Variants in MAP3K2 observed in about 807,000 individuals in gnomAD.
MAP3K2 encodes the protein mitogen-activated protein kinase kinase kinase 2, also known as MAP/ERK kinase kinase 2.
Under a neutral mutation model 80.3 loss-of-function variants are expected in MAP3K2, and 24 were observed. The observed-to-expected ratio is 0.30, with a 90% CI of 0.22 to 0.42. The LOEUF is 0.42. MAP3K2 is among the 10% of genes least tolerant of loss of function. The pLI, the probability that MAP3K2 is intolerant of heterozygous loss-of-function variation, is 1.00. For missense variants in MAP3K2, 608 were observed against 750.1 expected (o/e 0.81, Z 2.21); for synonymous variants, 244 against 253.7 (o/e 0.96, Z 0.36).
chr2:127,376,307 G>GGGGTGGGA (rs1418802470), intron 1 of MAP3K2, among the ~76,000 whole-genome samples: 4 of 147,550 alleles, frequency 2.7e-5, no homozygotes, highest in Non-Finnish European at 6.0e-5. Flanking sequence ...CAGGACTACT[G>GGGGTGGGA]GGGTGGGAGG....
chr2:127,374,186 C>G (rs2139142), intron 1 of MAP3K2, among the ~76,000 whole-genome samples: 1 of 151,944 alleles, frequency 6.6e-6, no homozygotes, highest in Non-Finnish European at 1.5e-5. Context: ...CTCAGCTCAT[C>G]GATATTGTTA....
intron 8 of MAP3K2, among the ~76,000 whole-genome samples, chr2:127,326,208 T>G (rs957289665): frequency 1.4e-5 from 2 of 138,202 alleles, no homozygotes; most frequent in African/African-American, 2.6e-5. Context: ...TATTACATTA[T>G]TAGAAAATGT....
At position 127,321,647 on chromosome 2, in the gene MAP3K2, T is replaced by C. The variant is rs1686021568; in HGVS notation, c.1045+399A>G. The stretch of plus-strand genomic sequence containing the variant: ...ATTTTTAGATGATGTTATGGCCTCT[T>C]GCACATTATCTCCTCAGCTGGTGAT... On this transcript the variant is annotated intron_variant, in intron 12 of 16. Coordinates refer to ENST00000682094, the MANE Select transcript of MAP3K2 (RefSeq NM_001371910.2). The surrounding 1 kb of genome is among the most constrained non-coding windows in gnomAD (Gnocchi z 4.4). Among the ~76,000 whole-genome samples, 1 of 152,224 alleles carries C rather than the reference T, an allele frequency of 6.6e-6. No homozygotes were observed. Among genetic ancestry groups the C allele is most frequent in the South Asian group, 2.1e-4 (1 of 4,824 alleles).
At chr2:127,341,082 C>G (rs557721351) in intron 2 of MAP3K2, among the ~76,000 whole-genome samples, 2 of 151,578 alleles carry the variant, frequency 1.3e-5, no homozygotes, top group East Asian at 3.9e-4. Context: ...CTCCACTTCC[C>G]GGGTTCACAC....
At position 127,316,468 on chromosome 2, in the gene MAP3K2, T is replaced by A. The variant is rs919658690; in HGVS notation, c.1326+1161A>T. Among the ~76,000 whole-genome samples the A allele has an allele frequency of 3.3e-5, 5 of 152,256 alleles. No individual in the cohort carries two copies. In the South Asian group the frequency reaches 1.0e-3, roughly 31 times the overall value. ...AAAATCATTAATACTAGATGTACTCTATATAATGACAGATGTCACAAATCA... is the reference window on the plus strand; with the variant it reads ...AAAATCATTAATACTAGATGTACTCAATATAATGACAGATGTCACAAATCA... On this transcript the variant is annotated intron_variant, in intron 14 of 16. Coordinates refer to ENST00000682094, the MANE Select transcript of MAP3K2 (RefSeq NM_001371910.2).
At chr2:127,336,939 G>A (rs562815912) in intron 4 of MAP3K2, among the ~76,000 whole-genome samples, 116 of 152,202 alleles carry the variant, frequency 7.6e-4, no homozygotes, top group Non-Finnish European at 1.4e-3. Context: ...TCAGGAGTTC[G>A]AGACCAGCCT....
intron 7 of MAP3K2, among the ~76,000 whole-genome samples, chr2:127,327,493 A>G (rs981314441): frequency 1.3e-5 from 2 of 151,984 alleles, no homozygotes; most frequent in Admixed American, 1.3e-4. Context: ...CTGGTCCCTA[A>G]TATTTTTATT....
chr2:127,376,558 T>C (rs1453596821), intron 1 of MAP3K2, among the ~76,000 whole-genome samples: 1 of 152,080 alleles, frequency 6.6e-6, no homozygotes, highest in Non-Finnish European at 1.5e-5. Context: ...GGTCTGCGGG[T>C]TGGACCCAGC....
At chr2:127,360,787 T>TA (rs1360446844) in intron 1 of MAP3K2, among the ~76,000 whole-genome samples, 1 of 152,134 alleles carries the variant, frequency 6.6e-6, no homozygotes, top group Non-Finnish European at 1.5e-5. Flanking sequence ...ACTGAGTTTT[T>TA]AAAAAATGAA....
At chr2:127,341,393 G>A (rs2104846909) in intron 2 of MAP3K2, among the ~76,000 whole-genome samples, 1 of 152,070 alleles carries the variant, frequency 6.6e-6, no homozygotes, top group East Asian at 1.9e-4. Flanking sequence ...TCCCATATTA[G>A]GAAGGTGACA....
chr2:127,323,603 A>G (rs1227804358), intron 11 of MAP3K2, among the ~76,000 whole-genome samples: 2 of 152,014 alleles, frequency 1.3e-5, no homozygotes, highest in Non-Finnish European at 2.9e-5. Flanking sequence ...CAAGGCAGGA[A>G]GATCACTTGA....
In MAP3K2 at chr2:127,384,213, G is replaced by GATATATATATATAT. The variant is rs35560058; in HGVS notation, c.-66+3225_-66+3238dup. Reference sequence around the variant, plus strand: ...CCCGGCCAACAAATAATTTTTAATTGATATATATATATATATATATATTGC... The same window carrying GATATATATATATAT: ...CCCGGCCAACAAATAATTTTTAATTGATATATATATATATATATATATATATATATATATATTGC... On this transcript the variant is annotated intron_variant, in intron 1 of 16. Coordinates refer to ENST00000682094, the MANE Select transcript of MAP3K2 (RefSeq NM_001371910.2). 8.3e-3 allele frequency among the ~76,000 whole-genome samples: 1,193 copies of GATATATATATATAT among 144,366 alleles called. 6 individuals carry two copies. Among genetic ancestry groups the GATATATATATATAT allele is most frequent in the African/African-American group, 0.015 (602 of 38,840 alleles). 94.7% of individuals were successfully genotyped at this position (144,366 alleles called of 152,430 possible). A position where few individuals can be genotyped will look rare whatever the true frequency, so the allele number is the denominator to read the frequency against.
At position 127,373,764 on chromosome 2, in the gene MAP3K2, T is replaced by C. The variant is rs545974009; in HGVS notation, c.-66+13688A>G. On this transcript the variant is annotated intron_variant, in intron 1 of 16. Transcript: ENST00000682094. ...TACCGGGACTAAAACACTCTCTCTC[T>C]ATGTCCAGTGAGTCAATAAAGTCAT... Among the ~76,000 whole-genome samples the C allele has an allele frequency of 1.1e-4, 17 of 152,342 alleles. No individual in the cohort carries two copies. The South Asian group carries it at 2.1e-3, about 19-fold the overall frequency.
chr2:127,347,430 C>A (rs1686615850), intron 1 of MAP3K2, among the ~76,000 whole-genome samples: 1 of 152,050 alleles, frequency 6.6e-6, no homozygotes, highest in Non-Finnish European at 1.5e-5. Context: ...AATTATATTT[C>A]TATACATTAG....
rs1374428684 is a variant in MAP3K2 at position 127,310,603 on chromosome 2, A to G, written c.1457-1841T>C. Among the ~76,000 whole-genome samples, 1 of 152,192 alleles carries G rather than the reference A, an allele frequency of 6.6e-6. No homozygotes were observed. Among genetic ancestry groups the G allele is most frequent in the African/African-American group, 2.4e-5 (1 of 41,452 alleles). ...AGGGCCAAGGCTGCGGTGAACTGAG[A>G]TCATGCCACTGCACTCCCGCCTGGG... On this transcript the variant is annotated intron_variant, in intron 15 of 16. Coordinates refer to ENST00000682094, the MANE Select transcript of MAP3K2 (RefSeq NM_001371910.2). This position sits in a 1 kb window ranked among gnomAD's most constrained non-coding sequence, Gnocchi z 4.8.
chr2:127,350,077 T>G (rs912209374), intron 1 of MAP3K2, among the ~76,000 whole-genome samples: 2 of 151,974 alleles, frequency 1.3e-5, no homozygotes, highest in Non-Finnish European at 2.9e-5. Flanking sequence ...CAAGTACCAA[T>G]CCCCACTGTA....
chr2:127,316,502 A>G (rs1029750772), intron 14 of MAP3K2, among the ~76,000 whole-genome samples: 1 of 152,264 alleles, frequency 6.6e-6, no homozygotes, highest in Non-Finnish European at 1.5e-5. Context: ...CACATTTTAT[A>G]ACTCCTAATG....
chr2:127,299,010 GA>G lies in MAP3K2; in HGVS notation c.*8568del, dbSNP rs1685538888. 1 of 151,942 alleles carries G rather than the reference GA, an allele frequency of 6.6e-6. No individual in the cohort carries two copies. The highest frequency in any genetic ancestry group is 6.6e-5 in the Admixed American group (1 of 15,252). The allele number at this position is 151,942 out of a possible 1,614,324, so 9.4% of individuals were successfully genotyped here. A position where few individuals can be genotyped will look rare whatever the true frequency, so the allele number is the denominator to read the frequency against. On this transcript the variant is annotated 3_prime_UTR_variant, in exon 17 of 17. Coordinates refer to ENST00000682094, the MANE Select transcript of MAP3K2 (RefSeq NM_001371910.2). The stretch of plus-strand genomic sequence containing the variant: ...AAGTACCTAGAAATTATAAAACTCA[GA>G]AATTGTATACATTTTTACAAGCACA...
chr2:127,324,106 C>A (rs12622436), intron 10 of MAP3K2, 68 bp downstream of exon 10: 425,331 of 1,164,752 alleles, frequency 0.37, 82,765 homozygotes, highest in East Asian at 0.67. Context: ...AATCCCCCCT[C>A]TCCCTCCCAG....
Sources: allele counts gnomAD v4.1 joint callset (sites outside exome capture counted in the v4.1 genomes callset), GRCh38; gene constraint gnomAD v4.1.1; non-coding constraint Gnocchi (gnomAD v3.1); transcripts MANE v1.5; gene names NCBI Gene and HGNC (gene_info 2026-07-23, HGNC 2026-07-21).